The following SPACA3 variants were observed in gnomAD, a reference collection of about 807,000 sequenced individuals.
SPACA3 encodes the protein sperm acrosome associated 3.
SPACA3 carries 21 observed loss-of-function variants against 24.5 expected under a neutral mutation model. That is an observed-to-expected ratio of 0.86 (90% CI 0.61 to 1.24). SPACA3 has a LOEUF of 1.24. Among genes scored for constraint, SPACA3 ranks in the 50% most tolerant of loss-of-function variants. SPACA3 has a pLI of 0.00. For missense variants in SPACA3, 278 were observed against 275.5 expected (o/e 1.01, Z -0.06); for synonymous variants, 115 against 106.9 (o/e 1.08, Z -0.47).
At position 32,995,472 on chromosome 17, in the gene SPACA3, T is replaced by A. The variant is rs2091716024; in HGVS notation, c.98T>A (p.Leu33Gln). ...GGACCACGGAGGCTGGTGAGCTGCCTGTCATCCCAAAGCTCAGCTCTGAGC... is the reference window on the plus strand; with the variant it reads ...GGACCACGGAGGCTGGTGAGCTGCCAGTCATCCCAAAGCTCAGCTCTGAGC... ...VSGPRRLVSC[L>Q]SSQSSALSQS... Residue 33 changes from leucine to glutamine, a missense_variant, in exon 2 of 5, where the codon CTG (leucine) becomes CAG (glutamine). Transcript: ENST00000269053. 1 of 1,613,682 alleles carries A rather than the reference T, an allele frequency of 6.2e-7. No homozygotes were observed. The highest frequency in any genetic ancestry group is 8.5e-7 in the Non-Finnish European group (1 of 1,179,592).
chr17:32,993,697 T>C (rs1009292853), intron 1 of SPACA3, among the ~76,000 whole-genome samples: 1 of 151,516 alleles, frequency 6.6e-6, no homozygotes, highest in Admixed American at 6.6e-5. Flanking sequence ...AAAGTGGCGA[T>C]TTTCCCCAGG....
chr17:32,996,675 TA>T, intron 2 of SPACA3, 167 bp from the exon 3 acceptor site: 1 of 645,802 alleles, frequency 1.5e-6, no homozygotes, highest in Non-Finnish European at 2.2e-6. Context: ...TGTGCACCTC[TA>T]AGCCTCGATT....
At chr17:32,995,044 C>A (rs537334538) in intron 1 of SPACA3, among the ~76,000 whole-genome samples, 3 of 152,240 alleles carry the variant, frequency 2.0e-5, no homozygotes, top group African/African-American at 7.2e-5. Context: ...AGGGTCAATG[C>A]CAGAAGGGCT....
Position 32,997,520 on chromosome 17 carries a change from A to T in SPACA3, c.578A>T (p.Tyr193Phe). 1.2e-6 allele frequency: 2 copies of T among 1,613,980 alleles called. No individual in the cohort carries two copies. The highest frequency in any genetic ancestry group is 1.7e-6 in the Non-Finnish European group (2 of 1,179,858). Residue 193 changes from tyrosine to phenylalanine, a missense_variant, in exon 4 of 5, where the codon TAC becomes TTC. Coordinates refer to ENST00000269053, the MANE Select transcript of SPACA3 (RefSeq NM_173847.5). ...KITQEPQGLG[Y>F]WEAWRHHCQG... ...ACCCAAGAGCCTCAGGGTCTGGGTT[A>T]CTGGTAAGTAACTTGGGCTGGAGCC...
chr17:32,995,427 T>C lies in SPACA3; in HGVS notation c.53T>C (p.Val18Ala), dbSNP rs773746229. ...TTCCCAGGGGTGCACTCAAGCCCTG[T>C]TTCTTCTCCTTCTGTGAGTGGACCA... is the stretch of plus-strand genomic sequence containing the variant. ...APLIRVHSSP[V>A]SSPSVSGPRR... The change falls in exon 2 of 5, where the codon GTT becomes GCT. Residue 18 changes from valine to alanine, a missense_variant. Transcript: ENST00000269053. The C allele has an allele frequency of 1.9e-6, 3 of 1,604,692 alleles. No individual in the cohort carries two copies. The highest frequency in any genetic ancestry group is 4.5e-5 in the East Asian group (2 of 44,764).
intron 1 of SPACA3, among the ~76,000 whole-genome samples, chr17:32,994,540 T>A (rs2091710621): frequency 6.6e-6 from 1 of 152,144 alleles, no homozygotes; most frequent in Non-Finnish European, 1.5e-5. Flanking sequence ...TTTCACTTTT[T>A]GACTCTGTGA....
rs752800686 is a variant in SPACA3, at chr17:32,995,567, T to A, written c.193T>A (p.Cys65Ser). 4 of 1,614,212 alleles carry A rather than the reference T, an allele frequency of 2.5e-6. No individual in the cohort carries two copies. The highest frequency in any genetic ancestry group is 3.4e-6 in the Non-Finnish European group (4 of 1,180,034). Residue 65 changes from cysteine (C) to serine (S), a missense_variant, in exon 2 of 5, where the codon TGC becomes AGC. Cys to Ser is a moderately radical substitution (Grantham distance 112). Coordinates refer to ENST00000269053, the MANE Select transcript of SPACA3 (RefSeq NM_173847.5). ...GAGCAGGGCTCTCAGAAGGCGGTGG[T>A]GCCCAGCTGGGATCATGTTGTTGGC... ...ARSRALRRRW[C>S]PAGIMLLALV... is the part of the protein sequence containing the mutation.
rs1296518433 is a variant in SPACA3 at position 32,996,949 on chromosome 17, G to A, written c.450G>A (p.Trp150Ter). Residue 150 changes from tryptophan to a stop codon, truncating the protein, a stop_gained, in exon 3 of 5, where the codon TGG becomes TGA. Transcript: ENST00000269053. LOFTEE classifies it high-confidence loss of function. ...NGIFQINSRR[W>*]CSNLTPNVPN... is the part of the protein sequence containing the mutation. ...TCTTCCAGATCAACAGCCGGAGGTG[G>A]TGCAGCAACCTCACCCCGAACGTCC... The A allele has an allele frequency of 6.2e-7, 1 of 1,604,194 alleles. No homozygotes were observed. The highest frequency in any genetic ancestry group is 8.5e-7 in the Non-Finnish European group (1 of 1,175,024).
chr17:32,996,353 G>T (rs772832194), intron 2 of SPACA3, among the ~76,000 whole-genome samples: 4 of 152,126 alleles, frequency 2.6e-5, no homozygotes, highest in South Asian at 2.1e-4. Context: ...GCTGGGCATG[G>T]TGGCAGCTAC....
At chr17:32,997,127 A>G in intron 3 of SPACA3, 126 bp downstream of exon 3, 1 of 1,137,814 alleles carries the variant, frequency 8.8e-7, no homozygotes, top group Non-Finnish European at 1.2e-6. Context: ...GGGCCCACGG[A>G]GGAGAGGGAG....
chr17:32,995,670 T>C lies in SPACA3; in HGVS notation c.296T>C (p.Leu99Pro), dbSNP rs745568120. ...GGTCGTTGTGAACTGGCCAGAGTGC[T>C]ACATGACTTCGGGCTGGACGGATAC... ...LYGRCELARV[L>P]HDFGLDGYRG... Residue 99 changes from leucine (L) to proline (P), a missense_variant, in exon 2 of 5, where the codon CTA becomes CCA. Leu to Pro is a moderately conservative substitution (Grantham distance 98, BLOSUM62 -3). Coordinates refer to ENST00000269053, the MANE Select transcript of SPACA3 (RefSeq NM_173847.5). 2 of 1,614,198 alleles carry C rather than the reference T, an allele frequency of 1.2e-6. No individual in the cohort carries two copies. The highest frequency in any genetic ancestry group is 4.5e-5 in the East Asian group (2 of 44,890).
intron 1 of SPACA3, among the ~76,000 whole-genome samples, chr17:32,993,960 G>GA: frequency 6.6e-6 from 1 of 152,098 alleles, no homozygotes; most frequent in African/African-American, 2.4e-5. Flanking sequence ...CCCAAACAAT[G>GA]ACGGGGTGGA....
At chr17:32,993,034 C>A (rs539409043) in intron 1 of SPACA3, 1 of 446,092 alleles carries the variant, frequency 2.2e-6, no homozygotes, top group Non-Finnish European at 4.6e-6. Flanking sequence ...ACGGTGCTCT[C>A]GGAGGGAAGG....
chr17:32,992,996 C>T (rs1461530644), intron 1 of SPACA3: 1 of 467,938 alleles, frequency 2.1e-6, no homozygotes, highest in Non-Finnish European at 4.4e-6. Flanking sequence ...TGAAGGAAGC[C>T]AGGATGGAGG....
intron 1 of SPACA3, among the ~76,000 whole-genome samples, chr17:32,993,759 G>C (rs2091705778): frequency 1.3e-5 from 2 of 152,136 alleles, no homozygotes; most frequent in East Asian, 3.9e-4. Context: ...GTCAGCATGA[G>C]ACTTGAGGGA....
At chr17:32,997,340 T>TA (rs1421110840) in intron 3 of SPACA3, 105 bp from the exon 4 acceptor site, 771 of 795,536 alleles carry the variant, frequency 9.7e-4, no homozygotes, top group Middle Eastern at 2.6e-3. Context: ...TGTGTGTGTG[T>TA]GTGTAGAGAG....
At chr17:32,996,089 A>G (rs1470616093) in intron 2 of SPACA3, among the ~76,000 whole-genome samples, 1 of 152,226 alleles carries the variant, frequency 6.6e-6, no homozygotes, top group Non-Finnish European at 1.5e-5. Flanking sequence ...TGGCAGTTTT[A>G]GATGGCCATG....
chr17:32,995,746 G>A, intron 2 of SPACA3, 29 bp downstream of exon 2: 1 of 1,597,566 alleles, frequency 6.3e-7, no homozygotes, highest in Non-Finnish European at 8.6e-7. Context: ...GGCGGGCCCT[G>A]ACTTCCCCAC....
chr17:32,996,568 G>A (rs1015995866), intron 2 of SPACA3, among the ~76,000 whole-genome samples: 2 of 151,976 alleles, frequency 1.3e-5, no homozygotes, highest in Non-Finnish European at 2.9e-5. Context: ...GCTGAACAAT[G>A]AGATAATGGG....
Sources: allele counts gnomAD v4.1 joint callset (sites outside exome capture counted in the v4.1 genomes callset), GRCh38; gene constraint gnomAD v4.1.1; transcripts MANE v1.5; gene names NCBI Gene and HGNC (gene_info 2026-07-23, HGNC 2026-07-21).